ENTPD1: variants seen among roughly 807,000 people sequenced by gnomAD.
ENTPD1 encodes the protein ectonucleoside triphosphate diphosphohydrolase 1.
A neutral mutation model predicts 57.0 loss-of-function variants in ENTPD1; 33 were observed. That is an observed-to-expected ratio of 0.58 (90% CI 0.44 to 0.77). The LOEUF is 0.77. Among genes scored for constraint, ENTPD1 ranks in the 30% least tolerant of loss-of-function variants. The probability of loss-of-function intolerance (pLI) is 0.00; values close to 1 mark genes in which losing one functional copy is unlikely to be tolerated. For missense variants in ENTPD1, 501 were observed against 603.4 expected (o/e 0.83, Z 1.78); for synonymous variants, 202 against 218.8 (o/e 0.92, Z 0.68).
chr10:95,846,808 C>T (rs182718943), intron 6 of ENTPD1, among the ~76,000 whole-genome samples: 10 of 151,902 alleles, frequency 6.6e-5, no homozygotes, highest in Admixed American at 5.2e-4. Flanking sequence ...ACCAACATGG[C>T]GACACCCCGT....
At position 95,823,458 on chromosome 10, in the gene ENTPD1, C is replaced by G. The variant is rs547322138; in HGVS notation, c.144+94C>G. 5.1e-6 allele frequency: 8 copies of G among 1,581,814 alleles called. No homozygotes were observed. In the East Asian group the frequency reaches 1.6e-4, roughly 31 times the overall value. ...GATAAGGTATGTAGAGCATAGGGGA[C>G]GAGTTGAGGTTCTAACAGCCCAGGA... is the stretch of plus-strand genomic sequence containing the variant. On this transcript the variant is annotated intron_variant, in intron 2 of 9. Transcript: ENST00000371205.
chr10:95,876,684 A>T lies in ENTPD1; in HGVS notation c.*10301A>T. On this transcript the variant is annotated 3_prime_UTR_variant, in exon 10 of 10. Transcript: ENST00000371205. ...TTCTAATAACAGAAACAAACAAGTT[A>T]TTTTAAAACTTATTGGAATATTCAA... 8.3e-7 allele frequency: 1 copy of T among 1,209,510 alleles called. No individual in the cohort carries two copies. The highest frequency in any genetic ancestry group is 1.0e-6 in the Non-Finnish European group (1 of 971,116). The allele number at this position is 1,209,510 out of a possible 1,614,324, so 74.9% of individuals were successfully genotyped here. A position where few individuals can be genotyped will look rare whatever the true frequency, so the allele number is the denominator to read the frequency against.
chr10:95,820,055 C>G (rs1330889356), intron 1 of ENTPD1, among the ~76,000 whole-genome samples: 1 of 152,172 alleles, frequency 6.6e-6, no homozygotes, highest in Non-Finnish European at 1.5e-5. Context: ...CTAAGTAATT[C>G]TCTTTTTATG....
chr10:95,831,514 C>T (rs562910990), intron 2 of ENTPD1, among the ~76,000 whole-genome samples: 21 of 152,352 alleles, frequency 1.4e-4, no homozygotes, highest in African/African-American at 4.8e-4. Flanking sequence ...GAGCAGAAGG[C>T]CTGGCCCACT....
chr10:95,720,348 G>T (rs1300154257), intron 1 of ENTPD1, among the ~76,000 whole-genome samples: 1 of 152,154 alleles, frequency 6.6e-6, no homozygotes, highest in East Asian at 1.9e-4. Context: ...AATGGCCGCT[G>T]CTTTTGCTAG....
At chr10:95,722,704 T>C (rs1279059556) in intron 1 of ENTPD1, among the ~76,000 whole-genome samples, 1 of 152,158 alleles carries the variant, frequency 6.6e-6, no homozygotes, top group Non-Finnish European at 1.5e-5. Context: ...GGTTTTTTTC[T>C]CAATCACCTG....
chr10:95,739,777 T>C (rs2097998381), intron 1 of ENTPD1, among the ~76,000 whole-genome samples: 1 of 152,216 alleles, frequency 6.6e-6, no homozygotes, highest in African/African-American at 2.4e-5. Flanking sequence ...CAGAAAATTT[T>C]TGATTTACTT....
intron 1 of ENTPD1, among the ~76,000 whole-genome samples, chr10:95,799,240 C>T (rs2098238759): frequency 6.6e-6 from 1 of 152,030 alleles, no homozygotes; most frequent in South Asian, 2.1e-4. Flanking sequence ...ATTTCATCAC[C>T]CAGGTATTAA....
At chr10:95,783,628 A>G (rs1048415633) in intron 1 of ENTPD1, among the ~76,000 whole-genome samples, 7 of 151,674 alleles carry the variant, frequency 4.6e-5, no homozygotes, top group African/African-American at 1.7e-4. Context: ...TTTTTATATT[A>G]CCTTCTGTGT....
At chr10:95,720,545 G>C (rs992736790) in intron 1 of ENTPD1, among the ~76,000 whole-genome samples, 1 of 152,154 alleles carries the variant, frequency 6.6e-6, no homozygotes, top group African/African-American at 2.4e-5. Context: ...GACTGAGAAG[G>C]CCGTGCCAGT....
intron 2 of ENTPD1, among the ~76,000 whole-genome samples, chr10:95,837,407 G>T (rs796212955): frequency 6.6e-6 from 1 of 152,204 alleles, no homozygotes; most frequent in South Asian, 2.1e-4. Context: ...AGTGGCCCCA[G>T]ACCTTAGTCA....
At chr10:95,758,148 A>G (rs78859769) in intron 1 of ENTPD1, among the ~76,000 whole-genome samples, 4,037 of 151,734 alleles carry the variant, frequency 0.027, 85 homozygotes, top group Middle Eastern at 0.058. Context: ...AGTTGCTTTC[A>G]GTTCCCCAAA....
chr10:95,841,487 A>G (rs1250684207), intron 3 of ENTPD1, among the ~76,000 whole-genome samples: 1 of 152,232 alleles, frequency 6.6e-6, no homozygotes, highest in Non-Finnish European at 1.5e-5. Flanking sequence ...AGAGTTCTCT[A>G]GTTAATCAAA....
chr10:95,748,255 T>G (rs1251181471), intron 1 of ENTPD1, among the ~76,000 whole-genome samples: 3 of 152,240 alleles, frequency 2.0e-5, no homozygotes, highest in African/African-American at 7.2e-5. Flanking sequence ...TAGCATTATT[T>G]TTAACTACCC....
chr10:95,842,977 C>G (rs2098425646), intron 4 of ENTPD1, among the ~76,000 whole-genome samples: 1 of 152,170 alleles, frequency 6.6e-6, no homozygotes, highest in South Asian at 2.1e-4. Context: ...AAAACTCAAC[C>G]CTCAAGGAAA....
chr10:95,715,071 G>C (rs2097969953), intron 1 of ENTPD1, among the ~76,000 whole-genome samples: 1 of 152,156 alleles, frequency 6.6e-6, no homozygotes. Context: ...TAAATAAAAG[G>C]TTTATGCAAT....
intron 1 of ENTPD1, among the ~76,000 whole-genome samples, chr10:95,735,278 G>A (rs1048428102): frequency 5.2e-4 from 79 of 151,936 alleles, no homozygotes; most frequent in Non-Finnish European, 2.5e-4. Context: ...TGATTCTCCC[G>A]CCTCAACTGG....
rs34429102 is a variant in ENTPD1 at position 95,721,687 on chromosome 10, G to GA, written c.37+9706dup. ...GCCTTAGGGGTAATGTTTCCTATCT[G>GA]AAAAAAAAAAAACCGGGATGCCATC... On this transcript the variant is annotated intron_variant, in intron 1 of 9. Transcript: ENST00000453258. Among the ~76,000 whole-genome samples, 143 of 147,484 alleles carry GA rather than the reference G, an allele frequency of 9.7e-4. No homozygotes were observed. In the South Asian group the frequency reaches 0.011, roughly 11 times the overall value.
chr10:95,850,154 A>G (rs749963232), intron 7 of ENTPD1, among the ~76,000 whole-genome samples: 4 of 152,108 alleles, frequency 2.6e-5, no homozygotes, highest in Admixed American at 6.6e-5. Flanking sequence ...AGGCTTTTCT[A>G]TTTGATCCCT....
Sources: gnomAD v4.1 joint callset for allele counts (sites outside exome capture counted in the v4.1 genomes callset) on GRCh38, gnomAD v4.1.1 for gene constraint, MANE v1.5 for transcripts, NCBI Gene and HGNC (gene_info 2026-07-23, HGNC 2026-07-21) for gene names.